The following APP variants were observed in gnomAD, a reference collection of about 807,000 sequenced individuals.
APP encodes amyloid beta precursor protein, also known as amyloid-beta precursor protein.
A neutral mutation model predicts 101.4 loss-of-function variants in APP; 31 were observed. The ratio of observed to expected loss-of-function variants is 0.31; its 90% confidence interval spans 0.23 to 0.41. APP has a LOEUF of 0.41. APP is among the 10% of genes least tolerant of loss of function. APP has a pLI of 1.00. For synonymous variants in APP, 366 were observed against 364.4 expected (o/e 1.00, Z -0.05); for missense variants, 839 against 1,003.7 (o/e 0.84, Z 2.22).
At chr21:25,906,661 T>C (rs2038805835) in intron 14 of APP, among the ~76,000 whole-genome samples, 1 of 152,224 alleles carries the variant, frequency 6.6e-6, no homozygotes, top group Non-Finnish European at 1.5e-5. Context: ...GGTTTTTCTA[T>C]ACTTCATTTT....
chr21:25,897,264 C>T (rs1032042796), intron 16 of APP, among the ~76,000 whole-genome samples: 2 of 152,222 alleles, frequency 1.3e-5, no homozygotes, highest in Non-Finnish European at 2.9e-5. Flanking sequence ...AGGTGTTTGC[C>T]ACCACACCCA....
chr21:26,089,264 C>G (rs2146108787), intron 3 of APP, among the ~76,000 whole-genome samples: 1 of 152,204 alleles, frequency 6.6e-6, no homozygotes, highest in Non-Finnish European at 1.5e-5. Flanking sequence ...GACTAATAAC[C>G]AAGTTAGATT....
intron 3 of APP, among the ~76,000 whole-genome samples, chr21:26,077,720 T>C (rs1472463444): frequency 2.0e-5 from 3 of 151,338 alleles, no homozygotes; most frequent in African/African-American, 7.3e-5. Flanking sequence ...TGCCTGAGAT[T>C]TCCCTTCACT....
At chr21:26,146,984 CT>C (rs2063168083) in intron 1 of APP, among the ~76,000 whole-genome samples, 2 of 152,154 alleles carry the variant, frequency 1.3e-5, no homozygotes, top group Admixed American at 6.5e-5. Flanking sequence ...TAAAAAGACA[CT>C]TTTATCTTGC....
chr21:26,047,148 C>T (rs545684421), intron 5 of APP, among the ~76,000 whole-genome samples: 1 of 152,104 alleles, frequency 6.6e-6, no homozygotes, highest in Non-Finnish European at 1.5e-5. Flanking sequence ...CTTTTTCATA[C>T]CTCTTTTTCA....
intron 2 of APP, among the ~76,000 whole-genome samples, chr21:26,095,818 A>G (rs1248980971): frequency 6.6e-6 from 1 of 152,270 alleles, no homozygotes; most frequent in East Asian, 1.9e-4. Flanking sequence ...TATGACAAGC[A>G]TTGCAAATAA....
At chr21:26,090,596 G>A (rs186173778) in intron 2 of APP, among the ~76,000 whole-genome samples, 76 of 152,268 alleles carry the variant, frequency 5.0e-4, no homozygotes, top group African/African-American at 1.8e-3. Context: ...GAAACAAGAG[G>A]GGGAAAGGAG....
At chr21:26,107,046 G>A (rs1396283178) in intron 2 of APP, among the ~76,000 whole-genome samples, 1 of 152,226 alleles carries the variant, frequency 6.6e-6, no homozygotes, top group East Asian at 1.9e-4. Flanking sequence ...CAGACCCTGA[G>A]GGTGGCGGGG....
At chr21:26,045,305 G>A (rs995615363) in intron 5 of APP, among the ~76,000 whole-genome samples, 3 of 151,980 alleles carry the variant, frequency 2.0e-5, no homozygotes, top group African/African-American at 4.8e-5. Context: ...GAAATATGAT[G>A]AACCTAATAG....
intron 1 of APP, among the ~76,000 whole-genome samples, chr21:26,149,720 C>T (rs1336446152): frequency 1.3e-5 from 2 of 152,218 alleles, no homozygotes; most frequent in South Asian, 2.1e-4. Context: ...TTCATGAAAT[C>T]ATCTTGATTA....
chr21:26,025,920 C>T (rs747139566), intron 5 of APP, among the ~76,000 whole-genome samples: 1 of 152,204 alleles, frequency 6.6e-6, no homozygotes, highest in Non-Finnish European at 1.5e-5. Flanking sequence ...TTGAATAATG[C>T]TGCATCTTCC....
intron 17 of APP, among the ~76,000 whole-genome samples, chr21:25,884,025 C>A (rs1178421620): frequency 2.6e-5 from 4 of 152,068 alleles, no homozygotes; most frequent in Non-Finnish European, 5.9e-5. Context: ...ATTACAGGCA[C>A]CCGCCACTAC....
chr21:25,900,987 C>CA lies in APP; in HGVS notation c.1964-3315dup, dbSNP rs71183520. Reference sequence around the variant, plus strand: ...TGGGCGACAGAGTGAGACTCCATCTCAAAAAAAAAAAAAAAAAGAATGAGC... The same window carrying CA: ...TGGGCGACAGAGTGAGACTCCATCTCAAAAAAAAAAAAAAAAAAGAATGAGC... On this transcript the variant is annotated intron_variant, in intron 15 of 17. Transcript: ENST00000346798. 9.5e-3 allele frequency among the ~76,000 whole-genome samples: 1,129 copies of CA among 118,506 alleles called. 15 individuals carry two copies. Among genetic ancestry groups the CA allele is most frequent in the Non-Finnish European group, 0.012 (769 of 64,470 alleles). 77.7% of individuals were successfully genotyped at this position (118,506 alleles called of 152,430 possible).
chr21:25,891,977 A>G (rs1569014713), intron 16 of APP, 109 bp from the exon 17 acceptor site: 3 of 1,121,364 alleles, frequency 2.7e-6, no homozygotes, highest in African/African-American at 3.2e-5. Flanking sequence ...GGACATTTGG[A>G]TGAGGTTATA....
At chr21:26,112,861 G>C (rs2062359409) in intron 1 of APP, among the ~76,000 whole-genome samples, 2 of 152,054 alleles carry the variant, frequency 1.3e-5, no homozygotes, top group South Asian at 2.1e-4. Context: ...GTGCCTGCTG[G>C]GTAGTAAGTA....
chr21:25,976,136 AT>A, intron 9 of APP, 108 bp from the exon 10 acceptor site: 6 of 876,954 alleles, frequency 6.8e-6, no homozygotes, highest in African/African-American at 1.7e-5. Flanking sequence ...CATTTTAGAT[AT>A]TTAAAAAATT....
chr21:25,892,312 C>T (rs2037752706), intron 16 of APP, among the ~76,000 whole-genome samples: 1 of 152,182 alleles, frequency 6.6e-6, no homozygotes, highest in Non-Finnish European at 1.5e-5. Context: ...AGTCATAGCA[C>T]TCTGAGCCCT....
At chr21:26,048,237 C>A (rs190832957) in intron 5 of APP, among the ~76,000 whole-genome samples, 1 of 151,938 alleles carries the variant, frequency 6.6e-6, no homozygotes, top group African/African-American at 2.4e-5. Flanking sequence ...GCAGGAGAAT[C>A]GCTTGAACCC....
In APP at chr21:25,880,873, A is replaced by G. The variant is rs199885985; in HGVS notation, c.*797T>C. 7 of 152,780 alleles carry G rather than the reference A, an allele frequency of 4.6e-5. No individual in the cohort carries two copies. The highest frequency in any genetic ancestry group is 1.0e-4 in the Non-Finnish European group (7 of 68,170). The allele number at this position is 152,780 out of a possible 1,614,324, so 9.5% of individuals were successfully genotyped here. ...ATCATGTCATAAGCAATGATTCTGT[A>G]CAATCATCCTGCAGAAAATTGTTTT... On this transcript the variant is annotated 3_prime_UTR_variant, in exon 18 of 18. Transcript: ENST00000346798.
Sources: allele counts gnomAD v4.1 joint callset (sites outside exome capture counted in the v4.1 genomes callset), GRCh38; gene constraint gnomAD v4.1.1; transcripts MANE v1.5; gene names NCBI Gene and HGNC (gene_info 2026-07-23, HGNC 2026-07-21).